The following RORC variants were observed in gnomAD, a reference collection of about 807,000 sequenced individuals.
RORC encodes RAR related orphan receptor C.
RORC carries 13 observed loss-of-function variants against 64.5 expected under a neutral mutation model. The ratio of observed to expected loss-of-function variants is 0.20; its 90% CI spans 0.13 to 0.32. The LOEUF (loss-of-function observed/expected upper bound fraction) is 0.32, where lower values mean the gene tolerates loss of function less well. Ranked by LOEUF, RORC falls within the 10% of genes least tolerant of loss-of-function variation. The pLI, the probability that RORC is intolerant of heterozygous loss-of-function variation, is 1.00. For synonymous variants in RORC, 277 were observed against 259.3 expected (o/e 1.07, Z -0.65); for missense variants, 468 against 669.5 (o/e 0.70, Z 3.32).
At position 151,817,140 on chromosome 1, in the gene RORC, G is replaced by A. The variant is rs534955391; in HGVS notation, c.156+55C>T. ...TGTGTGTGTGTGTGTGTGCGCGCGC[G>A]CGCGCTTGTGTATGCACACGCACAC... is the stretch of plus-strand genomic sequence containing the variant. On this transcript the variant is annotated intron_variant, in intron 3 of 10. Transcript: ENST00000318247. 440 of 1,124,874 alleles carry A rather than the reference G, an allele frequency of 3.9e-4. 3 individuals are homozygous for A. Among genetic ancestry groups the A allele is most frequent in the East Asian group, 5.9e-4 (25 of 42,394 alleles). The allele number at this position is 1,124,874 out of a possible 1,614,324, so 69.7% of individuals were successfully genotyped here.
chr1:151,824,298 T>G (rs1198374391), intron 2 of RORC, among the ~76,000 whole-genome samples: 1 of 152,048 alleles, frequency 6.6e-6, no homozygotes, highest in Non-Finnish European at 1.5e-5. Flanking sequence ...TGGGGCTGTG[T>G]GTGTGTGGTG....
intron 10 of RORC, among the ~76,000 whole-genome samples, chr1:151,811,072 A>G (rs1651503666): frequency 6.6e-6 from 1 of 152,192 alleles, no homozygotes; most frequent in African/African-American, 2.4e-5. Context: ...GGTGCTGGGT[A>G]AGTGCTGGCT....
intron 9 of RORC, chr1:151,812,388 T>C (rs557690857): frequency 6.5e-6 from 1 of 153,292 alleles, no homozygotes; most frequent in African/African-American, 2.4e-5. Flanking sequence ...GGCTTTGTGT[T>C]ATATGCTTTT....
At position 151,814,921 on chromosome 1, in the gene RORC, G is replaced by C; in HGVS notation, c.803C>G (p.Thr268Arg). 1 of 1,612,832 alleles carries C rather than the reference G, an allele frequency of 6.2e-7. No homozygotes were observed. Among genetic ancestry groups the C allele is most frequent in the Non-Finnish European group, 8.5e-7 (1 of 1,179,118 alleles). Residue 268 changes from threonine to arginine, a missense_variant, in exon 5 of 11, where the codon ACA becomes AGA. By Grantham distance (71) the Thr-to-Arg change is moderately conservative. Around this residue, in one of 5 missense-constraint regions of RORC, gnomAD observed 241 missense variants for 295.5 expected, o/e 0.82. Coordinates refer to ENST00000318247, the MANE Select transcript of RORC (RefSeq NM_005060.4). ...STPEAPYASL[T>R]EIEHLVQSVC... ...CCTCCCCAGCTGCTCACCTATCTCTGTCAGGGAGGCATAGGGTGCCTCCGG... is the reference window on the plus strand; with the variant it reads ...CCTCCCCAGCTGCTCACCTATCTCTCTCAGGGAGGCATAGGGTGCCTCCGG...
chr1:151,811,911 T>A (rs2101654417), intron 9 of RORC: 1 of 152,530 alleles, frequency 6.6e-6, no homozygotes, highest in South Asian at 2.1e-4. Flanking sequence ...AGTTTTTATC[T>A]TCTAGTTTGA....
Position 151,813,635 on chromosome 1 carries a change from G to T in RORC, c.934-15C>A. The stretch of plus-strand genomic sequence containing the variant: ...TCCCACATGGACTGCAGGGAGGGAG[G>T]AGGGTCCCGCTGTAGCGCTCTGTGT... On this transcript the variant is annotated splice_polypyrimidine_tract_variant and intron_variant, in intron 6 of 10. Transcript: ENST00000318247. 2.5e-6 allele frequency: 4 copies of T among 1,613,934 alleles called. No homozygotes were observed. Among genetic ancestry groups the T allele is most frequent in the Non-Finnish European group, 3.4e-6 (4 of 1,179,922 alleles).
chr1:151,816,530 T>G, intron 4 of RORC, 134 bp downstream of exon 4: 1 of 922,630 alleles, frequency 1.1e-6, no homozygotes, highest in Non-Finnish European at 1.5e-6. Context: ...AGACAAGGGG[T>G]TGTAACGGGG....
In RORC at chr1:151,810,532, G is replaced by GTT. The variant is rs1558163063; in HGVS notation, c.1395+792_1395+793insAA. Among the ~76,000 whole-genome samples the GTT allele has an allele frequency of 1.7e-4, 16 of 95,276 alleles. No individual in the cohort carries two copies. The East Asian group carries it at 4.1e-3, about 24-fold the overall frequency. The allele number at this position is 95,276 out of a possible 152,430, so 62.5% of individuals were successfully genotyped here. On this transcript the variant is annotated intron_variant, in intron 10 of 10. Transcript: ENST00000318247. ...TGAAGTCTCCTGATAGCTACAAGGA[G>GTT]ATTTTTTTTTTTTTTTTGAGACAGA...
intron 2 of RORC, among the ~76,000 whole-genome samples, chr1:151,827,821 A>G (rs1352460949): frequency 6.6e-6 from 1 of 152,152 alleles, no homozygotes; most frequent in Non-Finnish European, 1.5e-5. Flanking sequence ...GGGATGGGAA[A>G]GGGATAAGGA....
At position 151,814,954 on chromosome 1, in the gene RORC, C is replaced by T. The variant is rs746187982; in HGVS notation, c.770G>A (p.Arg257His). ...GPDSYGSPSF[R>H]STPEAPYASL... ...GGCATAGGGTGCCTCCGGTGTGCTG[C>T]GGAAACTGGGGCTGCCGTAGCTGTC... The change falls in exon 5 of 11, where the codon CGC becomes CAC. Residue 257 changes from arginine (R) to histidine (H), a missense_variant. This residue lies in a region of RORC where 241 missense variants were observed against 295.5 expected (regional missense o/e 0.82). Coordinates refer to ENST00000318247, the MANE Select transcript of RORC (RefSeq NM_005060.4). The T allele has an allele frequency of 3.3e-5, 53 of 1,613,972 alleles. 1 individual carries two copies. The highest frequency in any genetic ancestry group is 2.0e-4 in the Admixed American group (12 of 60,002).
chr1:151,826,346 C>T (rs1313052071), intron 2 of RORC, among the ~76,000 whole-genome samples: 1 of 152,216 alleles, frequency 6.6e-6, no homozygotes. Context: ...ATGGAGCTCA[C>T]ACGAGCCTGA....
chr1:151,828,245 A>G (rs1013514106), intron 2 of RORC, among the ~76,000 whole-genome samples: 5 of 152,170 alleles, frequency 3.3e-5, no homozygotes, highest in Admixed American at 2.6e-4. Context: ...CTCAGGAGGA[A>G]CTGGCAAGGC....
intron 9 of RORC, chr1:151,812,006 C>T (rs1045678651): frequency 2.6e-5 from 4 of 152,428 alleles, no homozygotes; most frequent in Middle Eastern, 3.4e-3. Context: ...GCTTGACCCA[C>T]TTCCCTAGGT....
rs200450367 is a variant in RORC at position 151,815,008 on chromosome 1, G to A, written c.716C>T (p.Pro239Leu). The A allele has an allele frequency of 1.1e-5, 17 of 1,614,114 alleles. No homozygotes were observed. The highest frequency in any genetic ancestry group is 1.4e-5 in the Non-Finnish European group (17 of 1,180,042). Residue 239 changes from proline to leucine, a missense_variant, in exon 5 of 11, where the codon CCT becomes CTT. This residue lies in a region of RORC where 241 missense variants were observed against 295.5 expected (regional missense o/e 0.82). Coordinates refer to ENST00000318247, the MANE Select transcript of RORC (RefSeq NM_005060.4). The part of the protein sequence containing the change: ...CGLRFEEHRH[P>L]GLGELGQGPD... ...GCCCTGTCCCAGTTCCCCAAGCCCAGGATGCCTGTGTTCCTCAAAACGAAG... is the reference window on the plus strand; with the variant it reads ...GCCCTGTCCCAGTTCCCCAAGCCCAAGATGCCTGTGTTCCTCAAAACGAAG...
At chr1:151,828,809 T>G (rs1367375462) in intron 2 of RORC, among the ~76,000 whole-genome samples, 5 of 151,948 alleles carry the variant, frequency 3.3e-5, no homozygotes, top group Admixed American at 1.3e-4. Context: ...TGAAACCCCG[T>G]CTCTACTAAA....
intron 2 of RORC, among the ~76,000 whole-genome samples, chr1:151,821,509 T>C (rs1396863238): frequency 6.6e-6 from 1 of 152,208 alleles, no homozygotes; most frequent in South Asian, 2.1e-4. Context: ...AGGCTTTACA[T>C]GCATTTTCAT....
intron 10 of RORC, among the ~76,000 whole-genome samples, chr1:151,811,079 G>A (rs1337361311): frequency 2.6e-5 from 4 of 152,118 alleles, no homozygotes; most frequent in Non-Finnish European, 5.9e-5. Flanking sequence ...GGTAAGTGCT[G>A]GCTATATTAA....
intron 5 of RORC, 35 bp from the exon 6 acceptor site, chr1:151,814,730 A>C: frequency 2.5e-6 from 4 of 1,592,818 alleles, no homozygotes; most frequent in Non-Finnish European, 1.7e-6. Flanking sequence ...GCTTGATCTC[A>C]GCCAGCTCCT....
chr1:151,827,050 G>A (rs975429486), intron 2 of RORC, among the ~76,000 whole-genome samples: 3 of 152,162 alleles, frequency 2.0e-5, no homozygotes, highest in Admixed American at 6.5e-5. Flanking sequence ...CCCGGGAGGC[G>A]GAGTTTGCAG....
Sources: allele counts gnomAD v4.1 joint callset (sites outside exome capture counted in the v4.1 genomes callset), GRCh38; gene constraint gnomAD v4.1.1; regional missense constraint gnomAD v4.1.1; transcripts MANE v1.5; gene names NCBI Gene and HGNC (gene_info 2026-07-23, HGNC 2026-07-21).